FBXL7: variants seen among roughly 807,000 people sequenced by gnomAD.
FBXL7 encodes F-box and leucine rich repeat protein 7.
FBXL7 carries 12 observed loss-of-function variants against 38.3 expected under a neutral mutation model. The ratio of observed to expected loss-of-function variants is 0.31; its 90% CI spans 0.20 to 0.51. FBXL7 has a LOEUF of 0.51. Among genes scored for constraint, FBXL7 ranks in the 20% least tolerant of loss-of-function variants. FBXL7 has a pLI of 0.98. For synonymous variants in FBXL7, 297 were observed against 300.9 expected (o/e 0.99, Z 0.13); for missense variants, 567 against 676.4 (o/e 0.84, Z 1.79).
intron 2 of FBXL7, among the ~76,000 whole-genome samples, chr5:15,709,053 G>A (rs1043158765): frequency 3.9e-5 from 6 of 152,132 alleles, no homozygotes; most frequent in Non-Finnish European, 7.4e-5. Context: ...TAGTTCCTTT[G>A]CATTGAATGA....
At chr5:15,599,349 G>A (rs1344140467) in intron 1 of FBXL7, among the ~76,000 whole-genome samples, 1 of 152,136 alleles carries the variant, frequency 6.6e-6, no homozygotes, top group Non-Finnish European at 1.5e-5. Context: ...GGATATGTGT[G>A]TGTGTTTGTA....
intron 1 of FBXL7, among the ~76,000 whole-genome samples, chr5:15,549,895 G>A (rs1442101123): frequency 2.0e-5 from 3 of 152,142 alleles, no homozygotes; most frequent in African/African-American, 2.4e-5. Context: ...GGGTGCAGGG[G>A]ACAGAAACTG....
intron 2 of FBXL7, among the ~76,000 whole-genome samples, chr5:15,886,252 C>A (rs1467903746): frequency 2.6e-5 from 4 of 151,268 alleles, no homozygotes; most frequent in African/African-American, 9.7e-5. Context: ...TATGTGCATA[C>A]CTGTGTGTGT....
At chr5:15,840,266 G>A (rs1158325077) in intron 2 of FBXL7, among the ~76,000 whole-genome samples, 1 of 152,076 alleles carries the variant, frequency 6.6e-6, no homozygotes. Context: ...CTGTCTCACT[G>A]ATCTATTTTT....
intron 1 of FBXL7, among the ~76,000 whole-genome samples, chr5:15,557,871 G>A (rs1738296589): frequency 6.6e-6 from 1 of 152,188 alleles, no homozygotes; most frequent in African/African-American, 2.4e-5. Context: ...ATTTAATTGT[G>A]CTATGAATAG....
chr5:15,810,646 CTTTAT>C (rs1737836388), intron 2 of FBXL7, among the ~76,000 whole-genome samples: 2 of 151,298 alleles, frequency 1.3e-5, no homozygotes, highest in Admixed American at 6.6e-5. Flanking sequence ...TTATTTGCAT[CTTTAT>C]TTTATCTGCC....
At chr5:15,586,022 A>T (rs1043187435) in intron 1 of FBXL7, among the ~76,000 whole-genome samples, 2 of 152,230 alleles carry the variant, frequency 1.3e-5, no homozygotes, top group African/African-American at 4.8e-5. Context: ...CTCCTTAGTG[A>T]GAGCCCAATA....
At chr5:15,551,836 C>T (rs1473430349) in intron 1 of FBXL7, among the ~76,000 whole-genome samples, 1 of 152,138 alleles carries the variant, frequency 6.6e-6, no homozygotes, top group Non-Finnish European at 1.5e-5. Context: ...GGGAGAAGCT[C>T]GCAAGTCCAA....
intron 2 of FBXL7, among the ~76,000 whole-genome samples, chr5:15,758,166 C>T (rs1052799201): frequency 6.6e-5 from 10 of 151,828 alleles, no homozygotes; most frequent in African/African-American, 1.9e-4. Context: ...TTTTTAAAAT[C>T]GCCTCATATC....
At position 15,621,975 on chromosome 5, in the gene FBXL7, A is replaced by C. The variant is rs560320738; in HGVS notation, c.127+5903A>C. On this transcript the variant is annotated intron_variant, in intron 2 of 3. Transcript: ENST00000504595. ...ATGAGTCATTGTGTTACGTGCTAAA[A>C]GATGCAAAGATAAATGAGAAACAGT... Among the ~76,000 whole-genome samples the C allele has an allele frequency of 2.1e-4, 32 of 152,356 alleles. No individual in the cohort carries two copies. The South Asian group carries it at 6.6e-3, about 32-fold the overall frequency.
At chr5:15,857,231 G>T (rs1486690418) in intron 2 of FBXL7, among the ~76,000 whole-genome samples, 5 of 152,144 alleles carry the variant, frequency 3.3e-5, no homozygotes, top group African/African-American at 1.2e-4. Context: ...AAGTACTGGG[G>T]TCAAGCCCAG....
intron 2 of FBXL7, among the ~76,000 whole-genome samples, chr5:15,891,338 A>G (rs1327064413): frequency 6.6e-6 from 1 of 152,194 alleles, no homozygotes; most frequent in Middle Eastern, 3.2e-3. Flanking sequence ...TCTGCTCTGC[A>G]TGGATCAGAA....
At chr5:15,759,952 T>G (rs1438091644) in intron 2 of FBXL7, among the ~76,000 whole-genome samples, 1 of 152,214 alleles carries the variant, frequency 6.6e-6, no homozygotes, top group African/African-American at 2.4e-5. Context: ...AAACAAAGTA[T>G]TTAACATTTT....
intron 2 of FBXL7, among the ~76,000 whole-genome samples, chr5:15,869,707 T>A (rs1739869874): frequency 6.6e-6 from 1 of 152,186 alleles, no homozygotes; most frequent in Admixed American, 6.5e-5. Context: ...ATATATTTTG[T>A]CATGAAGTGT....
intron 2 of FBXL7, among the ~76,000 whole-genome samples, chr5:15,722,807 C>T (rs926398212): frequency 2.0e-5 from 3 of 151,860 alleles, no homozygotes; most frequent in Non-Finnish European, 2.9e-5. Context: ...CCTGTAGTCC[C>T]AGCTACTCGG....
At chr5:15,564,095 A>G (rs1260473097) in intron 1 of FBXL7, among the ~76,000 whole-genome samples, 16 of 152,106 alleles carry the variant, frequency 1.1e-4, no homozygotes, top group Non-Finnish European at 2.1e-4. Flanking sequence ...TTTCTGGTAT[A>G]TACTGAACCA....
chr5:15,617,683 C>T (rs554849855), intron 2 of FBXL7, among the ~76,000 whole-genome samples: 89 of 152,310 alleles, frequency 5.8e-4, no homozygotes, highest in East Asian at 7.7e-4. Context: ...AGGTGATCCA[C>T]CTGCCTCAGC....
At chr5:15,684,812 G>C (rs1264206522) in intron 2 of FBXL7, among the ~76,000 whole-genome samples, 1 of 152,184 alleles carries the variant, frequency 6.6e-6, no homozygotes, top group African/African-American at 2.4e-5. Flanking sequence ...AAAATGTCAA[G>C]GAAATGGATT....
In FBXL7 at chr5:15,500,593, G is replaced by T. The variant is rs1215951031; in HGVS notation, c.-84G>T. ...GATGTGCAGCTAACGGTCCCGTCGG[G>T]CGGGCTTTCCTCGGGCCGAGCGCGC... On this transcript the variant is annotated 5_prime_UTR_variant, in exon 1 of 4. Coordinates refer to ENST00000504595, the MANE Select transcript of FBXL7 (RefSeq NM_012304.5). The T allele has an allele frequency of 5.0e-6, 8 of 1,589,260 alleles. No homozygotes were observed. In the East Asian group the frequency reaches 1.8e-4, roughly 36 times the overall value.
Sources: allele counts gnomAD v4.1 joint callset (sites outside exome capture counted in the v4.1 genomes callset), GRCh38; gene constraint gnomAD v4.1.1; transcripts MANE v1.5; gene names NCBI Gene and HGNC (gene_info 2026-07-23, HGNC 2026-07-21).